The following LGI2 variants were observed in gnomAD, a reference collection of about 807,000 sequenced individuals.
LGI2 encodes leucine-rich repeat LGI family member 2.
A neutral mutation model predicts 52.0 loss-of-function variants in LGI2; 30 were observed. The ratio of observed to expected loss-of-function variants is 0.58; its 90% confidence interval spans 0.43 to 0.78. LGI2 has a LOEUF of 0.78. Ranked by LOEUF, LGI2 falls within the 30% of genes least tolerant of loss-of-function variation. The pLI is 0.00. For missense variants in LGI2, 573 were observed against 692.5 expected (o/e 0.83, Z 1.94); for synonymous variants, 270 against 271.8 (o/e 0.99, Z 0.06).
rs906658491 is a variant in LGI2 at position 24,999,745 on chromosome 4, T to G, written c.*3706A>C. ...AAACCTCTGGCATCCCATGCTGATT[T>G]CTTTCCTAAAAATACACAGACTCTC... On this transcript the variant is annotated 3_prime_UTR_variant, in exon 8 of 8. Coordinates refer to ENST00000382114, the MANE Select transcript of LGI2 (RefSeq NM_018176.4). 6.7e-6 allele frequency: 3 copies of G among 450,652 alleles called. No individual in the cohort carries two copies. Among genetic ancestry groups the G allele is most frequent in the African/African-American group, 4.0e-5 (2 of 49,854 alleles). 27.9% of individuals were successfully genotyped at this position (450,652 alleles called of 1,614,324 possible). A position where few individuals can be genotyped will look rare whatever the true frequency, so the allele number is the denominator to read the frequency against.
At chr4:25,012,131 C>A (rs1203504546) in intron 7 of LGI2, among the ~76,000 whole-genome samples, 1 of 152,160 alleles carries the variant, frequency 6.6e-6, no homozygotes, top group Non-Finnish European at 1.5e-5. Flanking sequence ...AGCAGGATCA[C>A]TACCTGAGGT....
At chr4:25,021,055 T>A (rs1254209700) in intron 4 of LGI2, among the ~76,000 whole-genome samples, 1 of 151,110 alleles carries the variant, frequency 6.6e-6, no homozygotes, top group Non-Finnish European at 1.5e-5. Context: ...AAACTTCAGC[T>A]AATTGAAAGT....
At chr4:25,009,543 T>C (rs564847601) in intron 7 of LGI2, among the ~76,000 whole-genome samples, 1 of 152,352 alleles carries the variant, frequency 6.6e-6, no homozygotes, top group East Asian at 1.9e-4. Flanking sequence ...AATACTACAA[T>C]TATTTTTACA....
At chr4:25,022,506 G>T (rs185389839) in intron 4 of LGI2, among the ~76,000 whole-genome samples, 1 of 152,236 alleles carries the variant, frequency 6.6e-6, no homozygotes, top group South Asian at 2.1e-4. Flanking sequence ...CTTCTCTAAC[G>T]CATTCCATGC....
chr4:25,011,299 G>C (rs1181784105), intron 7 of LGI2, among the ~76,000 whole-genome samples: 1 of 152,054 alleles, frequency 6.6e-6, no homozygotes, highest in Non-Finnish European at 1.5e-5. Flanking sequence ...AGGTTCACCT[G>C]TGCTACTCTG....
chr4:24,993,034 G>A, the LGI2 span, among the ~76,000 whole-genome samples: 1 of 152,298 alleles, frequency 6.6e-6, no homozygotes, highest in East Asian at 1.9e-4. Context: ...TGTGACTCCA[G>A]ACAAGTTCCT....
At chr4:25,014,386 A>C (rs1227712942) in intron 6 of LGI2, among the ~76,000 whole-genome samples, 2 of 152,174 alleles carry the variant, frequency 1.3e-5, no homozygotes, top group African/African-American at 4.8e-5. Flanking sequence ...TGGTTTCATA[A>C]TATTTCCTAC....
chr4:25,027,285 A>G (rs1327499179), intron 2 of LGI2, among the ~76,000 whole-genome samples: 1 of 152,198 alleles, frequency 6.6e-6, no homozygotes, highest in African/African-American at 2.4e-5. Flanking sequence ...AGCAATCATA[A>G]AATTAGAGAT....
At position 25,003,513 on chromosome 4, in the gene LGI2, C is replaced by T; in HGVS notation, c.1576G>A (p.Ala526Thr). The T allele has an allele frequency of 6.2e-7, 1 of 1,606,342 alleles. No homozygotes were observed. The highest frequency in any genetic ancestry group is 8.5e-7 in the Non-Finnish European group (1 of 1,178,302). ...TTTGTTTTCCCTTTGAAACTGGATG[C>T]AAAAAAGAAATCTCTCCTGTCGGTG... Reference protein sequence around the residue: ...VSTDRRDFFFASSFKGKTKIF... With the variant: ...VSTDRRDFFFTSSFKGKTKIF... Residue 526 changes from alanine (A) to threonine (T), a missense_variant, in exon 8 of 8, where the codon GCA becomes ACA. Ala to Thr is a moderately conservative substitution (Grantham distance 58). Coordinates refer to ENST00000382114, the MANE Select transcript of LGI2 (RefSeq NM_018176.4).
At chr4:25,028,445 C>G (rs529959603) in intron 2 of LGI2, 62 bp downstream of exon 2, 1 of 1,456,344 alleles carries the variant, frequency 6.9e-7, no homozygotes, top group Non-Finnish European at 9.6e-7. Context: ...GAGGCAGAGA[C>G]GGCCCTCCAA....
In LGI2 at chr4:24,999,760, C is replaced by G; in HGVS notation, c.*3691G>C. The G allele has an allele frequency of 2.2e-6, 1 of 453,770 alleles. No homozygotes were observed. The highest frequency in any genetic ancestry group is 3.3e-4 in the Middle Eastern group (1 of 3,062). The allele number at this position is 453,770 out of a possible 1,614,324, so 28.1% of individuals were successfully genotyped here. On this transcript the variant is annotated 3_prime_UTR_variant, in exon 8 of 8. Coordinates refer to ENST00000382114, the MANE Select transcript of LGI2 (RefSeq NM_018176.4). ...CATGCTGATTTCTTTCCTAAAAATACACAGACTCTCACTCCATGGGGAAGA... is the reference window on the plus strand; with the variant it reads ...CATGCTGATTTCTTTCCTAAAAATAGACAGACTCTCACTCCATGGGGAAGA...
chr4:24,999,351 T>C lies in LGI2; in HGVS notation c.*4100A>G, dbSNP rs1402768802. 6.5e-6 allele frequency: 1 copy of C among 152,690 alleles called. No individual in the cohort carries two copies. Among genetic ancestry groups the C allele is most frequent in the African/African-American group, 2.4e-5 (1 of 41,422 alleles). 9.5% of individuals were successfully genotyped at this position (152,690 alleles called of 1,614,324 possible). On this transcript the variant is annotated 3_prime_UTR_variant, in exon 8 of 8. Coordinates refer to ENST00000382114, the MANE Select transcript of LGI2 (RefSeq NM_018176.4). ...CTGAGGCAAAAGAAATCATCATCCTTTTTTCCTTTTCTTTCAGTTTGTTTT... is the reference window on the plus strand; with the variant it reads ...CTGAGGCAAAAGAAATCATCATCCTCTTTTCCTTTTCTTTCAGTTTGTTTT...
chr4:25,019,353 T>C (rs1459896764), intron 4 of LGI2, 115 bp from the exon 5 acceptor site: 4 of 656,080 alleles, frequency 6.1e-6, no homozygotes, highest in Non-Finnish European at 8.2e-6. Context: ...AATACTGAGA[T>C]AGAGAAATGA....
At position 24,999,570 on chromosome 4, in the gene LGI2, A is replaced by C. The variant is rs1020126246; in HGVS notation, c.*3881T>G. On this transcript the variant is annotated 3_prime_UTR_variant, in exon 8 of 8. Transcript: ENST00000382114. ...ACTTCCTTCCGCAGCTGCGAAGGAG[A>C]GGCTGATACCTCTGCAGAAGAATCA... The C allele has an allele frequency of 3.2e-5, 8 of 246,880 alleles. No individual in the cohort carries two copies. Among genetic ancestry groups the C allele is most frequent in the Non-Finnish European group, 6.4e-5 (8 of 124,812 alleles). The allele number at this position is 246,880 out of a possible 1,614,324, so 15.3% of individuals were successfully genotyped here.
chr4:24,992,530 A>G, the LGI2 span, among the ~76,000 whole-genome samples: 2 of 152,000 alleles, frequency 1.3e-5, no homozygotes, highest in African/African-American at 2.4e-5. Context: ...CCTGGCCAAC[A>G]TAGTGAAACC....
chr4:25,029,662 C>G (rs1414904083), intron 1 of LGI2, among the ~76,000 whole-genome samples: 1 of 152,238 alleles, frequency 6.6e-6, no homozygotes, highest in Non-Finnish European at 1.5e-5. Context: ...AGGATGAAAG[C>G]ACCTCTCGGC....
intron 1 of LGI2, among the ~76,000 whole-genome samples, chr4:25,030,120 T>C (rs947908066): frequency 6.6e-6 from 1 of 151,726 alleles, no homozygotes; most frequent in Non-Finnish European, 1.5e-5. Context: ...ACACGCCCTC[T>C]CAAACTTTAA....
intron 7 of LGI2, among the ~76,000 whole-genome samples, chr4:25,008,653 C>T (rs1725472365): frequency 6.6e-6 from 1 of 152,000 alleles, no homozygotes; most frequent in Admixed American, 6.6e-5. Flanking sequence ...AAAATCTCCA[C>T]TTTACAGATG....
rs1725208668 is a variant in LGI2, at chr4:25,000,610, G to A, written c.*2841C>T. On this transcript the variant is annotated 3_prime_UTR_variant, in exon 8 of 8. Transcript: ENST00000382114. The stretch of plus-strand genomic sequence containing the variant: ...GGGGACAAGCCCCCTTTAAGGAAAG[G>A]CCTTAAAGCCACATGGCCGCACAGA... 6.6e-6 allele frequency: 1 copy of A among 152,230 alleles called. No individual in the cohort carries two copies. The highest frequency in any genetic ancestry group is 1.5e-5 in the Non-Finnish European group (1 of 68,070). The allele number at this position is 152,230 out of a possible 1,614,324, so 9.4% of individuals were successfully genotyped here.
Sources: allele counts gnomAD v4.1 joint callset (sites outside exome capture counted in the v4.1 genomes callset), GRCh38; gene constraint gnomAD v4.1.1; transcripts MANE v1.5; gene names NCBI Gene and HGNC (gene_info 2026-07-23, HGNC 2026-07-21).